Variants in TULP4 observed in about 807,000 individuals in gnomAD.
TULP4 encodes tubby-related protein 4.
In TULP4, 16 loss-of-function variants were observed where a neutral mutation model predicts 129.0. The ratio of observed to expected loss-of-function variants is 0.12; its 90% CI spans 0.08 to 0.19. TULP4 has a LOEUF of 0.19. Among genes scored for constraint, TULP4 ranks in the 10% least tolerant of loss-of-function variants. The pLI, the probability that TULP4 is intolerant of heterozygous loss-of-function variation, is 1.00. For missense variants in TULP4, 1,842 were observed against 2,059.1 expected, an observed-to-expected ratio of 0.89 and a Z score of 2.04; for synonymous variants, 998 against 854.0, an observed-to-expected ratio of 1.17 and a Z score of -2.94.
At chr6:158,361,625 G>A (rs1343024332) in intron 1 of TULP4, among the ~76,000 whole-genome samples, 1 of 152,076 alleles carries the variant, frequency 6.6e-6, no homozygotes, top group Non-Finnish European at 1.5e-5. Context: ...CAATTTTTGA[G>A]ATACAAGTCA....
At chr6:158,261,824 T>G (rs2081614) in intron 1 of TULP4, among the ~76,000 whole-genome samples, 1 of 151,814 alleles carries the variant, frequency 6.6e-6, no homozygotes, top group East Asian at 1.9e-4. Context: ...CCTCACAGTG[T>G]ATGATGGCTG....
chr6:158,462,253 A>G (rs1218053482), intron 6 of TULP4, among the ~76,000 whole-genome samples: 1 of 152,056 alleles, frequency 6.6e-6, no homozygotes, highest in Non-Finnish European at 1.5e-5. Context: ...GAAGGGTGAT[A>G]TTCATTCTGC....
intron 7 of TULP4, among the ~76,000 whole-genome samples, chr6:158,480,750 C>T (rs747348684): frequency 7.9e-5 from 12 of 152,158 alleles, no homozygotes; most frequent in South Asian, 2.1e-4. Context: ...ATCTCAACAC[C>T]GGTGTATTAT....
At position 158,502,267 on chromosome 6, in the gene TULP4, C is replaced by T. The variant is rs751248996; in HGVS notation, c.2604C>T (p.Gly868=). ...QPPVDVCLKK[G]DFSLYPTSVH... Reference sequence around the variant, plus strand: ...CAGTGGATGTGTGCTTGAAGAAGGGCGACTTCTCCCTCTACCCCACGTCAG... The same window carrying T: ...CAGTGGATGTGTGCTTGAAGAAGGGTGACTTCTCCCTCTACCCCACGTCAG... Residue 868 remains glycine (G), a synonymous_variant, in exon 13 of 14, where the codon GGC becomes GGT. Coordinates refer to ENST00000367097, the MANE Select transcript of TULP4 (RefSeq NM_020245.5). 1.7e-5 allele frequency: 26 copies of T among 1,547,748 alleles called. No homozygotes were observed. Among genetic ancestry groups the T allele is most frequent in the South Asian group, 8.9e-5 (8 of 89,876 alleles).
At chr6:158,500,858 A>G (rs1221945284) in intron 12 of TULP4, among the ~76,000 whole-genome samples, 3 of 152,228 alleles carry the variant, frequency 2.0e-5, no homozygotes, top group Admixed American at 6.5e-5. Flanking sequence ...TGAGGTCAGG[A>G]GTTGGGGACC....
intron 1 of TULP4, among the ~76,000 whole-genome samples, chr6:158,323,036 T>A (rs1395612092): frequency 6.6e-6 from 1 of 152,184 alleles, no homozygotes; most frequent in East Asian, 1.9e-4. Flanking sequence ...GAGAGGCATT[T>A]CTGAGAGAGA....
chr6:158,260,056 C>A (rs1778323384), intron 1 of TULP4, among the ~76,000 whole-genome samples: 1 of 152,200 alleles, frequency 6.6e-6, no homozygotes, highest in South Asian at 2.1e-4. Context: ...AGCCCCTCTT[C>A]TTCCCAGAGG....
At chr6:158,431,489 G>A (rs1778627325) in intron 3 of TULP4, among the ~76,000 whole-genome samples, 1 of 152,168 alleles carries the variant, frequency 6.6e-6, no homozygotes. Context: ...AGGACAGGCA[G>A]GGGACCCACT....
intron 1 of TULP4, among the ~76,000 whole-genome samples, chr6:158,306,762 A>G (rs953411406): frequency 3.3e-5 from 5 of 152,176 alleles, no homozygotes; most frequent in Non-Finnish European, 7.3e-5. Flanking sequence ...TGACACCTGT[A>G]ATCCCAGCTA....
At chr6:158,244,042 A>C (rs1195059661) in intron 1 of TULP4, among the ~76,000 whole-genome samples, 1 of 152,068 alleles carries the variant, frequency 6.6e-6, no homozygotes, top group Non-Finnish European at 1.5e-5. Flanking sequence ...GAGGGTTTTA[A>C]ATTTTTTCGC....
intron 1 of TULP4, among the ~76,000 whole-genome samples, chr6:158,260,823 TC>T (rs1445264003): frequency 1.4e-5 from 1 of 70,990 alleles, no homozygotes; most frequent in African/African-American, 3.3e-5. Flanking sequence ...TCTTTTCTTT[TC>T]TTTTTTTTTT....
At chr6:158,339,319 A>G (rs897665365) in intron 1 of TULP4, among the ~76,000 whole-genome samples, 5 of 152,170 alleles carry the variant, frequency 3.3e-5, no homozygotes, top group Non-Finnish European at 5.9e-5. Flanking sequence ...GCGACAAAAG[A>G]TCACAAGGCA....
At chr6:158,292,730 C>T (rs1043717079) in intron 1 of TULP4, among the ~76,000 whole-genome samples, 8 of 152,228 alleles carry the variant, frequency 5.3e-5, no homozygotes, top group South Asian at 4.1e-4. Context: ...CTTATACAAA[C>T]GCTATAAGAA....
Position 158,370,702 on chromosome 6 carries a change from A to G in TULP4, c.253-42363A>G, listed in dbSNP as rs571083360. ...ATGGAAGATAATCTTGAAACTGTTC[A>G]TCAGAGAATTGATTCAAAGTGGTAT... On this transcript the variant is annotated intron_variant, in intron 1 of 13. Coordinates refer to ENST00000367097, the MANE Select transcript of TULP4 (RefSeq NM_020245.5). Among the ~76,000 whole-genome samples, 112 of 152,304 alleles carry G rather than the reference A, an allele frequency of 7.4e-4. 1 individual carries two copies. Among genetic ancestry groups the G allele is most frequent in the Non-Finnish European group, 1.5e-3 (102 of 68,036 alleles).
intron 1 of TULP4, among the ~76,000 whole-genome samples, chr6:158,378,485 T>TTTTTTGG (rs1554285635): frequency 1.2e-3 from 62 of 51,382 alleles, no homozygotes; most frequent in African/African-American, 1.5e-3. Flanking sequence ...TTTTTTTTTT[T>TTTTTTGG]GGTGGGGGTG....
At chr6:158,350,571 A>C (rs1780490077) in intron 1 of TULP4, among the ~76,000 whole-genome samples, 1 of 152,056 alleles carries the variant, frequency 6.6e-6, no homozygotes, top group Non-Finnish European at 1.5e-5. Context: ...CCAAAAATAC[A>C]AAAACCAGTC....
intron 8 of TULP4, among the ~76,000 whole-genome samples, chr6:158,484,656 C>T (rs1450019317): frequency 3.9e-5 from 6 of 152,144 alleles, no homozygotes; most frequent in Non-Finnish European, 8.8e-5. Flanking sequence ...TCTCACCACG[C>T]ACGTGCACCA....
chr6:158,421,827 A>C (rs1023940500), intron 2 of TULP4, among the ~76,000 whole-genome samples: 1 of 152,176 alleles, frequency 6.6e-6, no homozygotes, highest in African/African-American at 2.4e-5. Context: ...AAATCATGAT[A>C]TATAGTGTTA....
At chr6:158,268,784 C>T (rs2128460796) in intron 1 of TULP4, among the ~76,000 whole-genome samples, 1 of 152,228 alleles carries the variant, frequency 6.6e-6, no homozygotes, top group South Asian at 2.1e-4. Context: ...ATTTTTGGCT[C>T]TATTTTTATA....
Sources: gnomAD v4.1 joint callset for allele counts (sites outside exome capture counted in the v4.1 genomes callset) on GRCh38, gnomAD v4.1.1 for gene constraint, MANE v1.5 for transcripts, NCBI Gene and HGNC (gene_info 2026-07-23, HGNC 2026-07-21) for gene names.